The following CCDC6 variants were observed in gnomAD, a reference collection of about 807,000 sequenced individuals.
CCDC6 encodes coiled-coil domain-containing protein 6.
In CCDC6, 20 loss-of-function variants were observed where a neutral mutation model predicts 56.6. That is an observed-to-expected ratio of 0.35 (90% CI 0.25 to 0.51). The LOEUF (loss-of-function observed/expected upper bound fraction) is 0.51. Ranked by LOEUF, CCDC6 falls within the 20% of genes least tolerant of loss-of-function variation. CCDC6 has a pLI of 0.95. For synonymous variants in CCDC6, 241 were observed against 234.4 expected, an observed-to-expected ratio of 1.03 and a Z score of -0.26; for missense variants, 367 against 601.1, an observed-to-expected ratio of 0.61 and a Z score of 4.07.
intron 1 of CCDC6, among the ~76,000 whole-genome samples, chr10:59,868,006 T>C (rs2071191656): frequency 6.6e-6 from 1 of 152,208 alleles, no homozygotes; most frequent in Non-Finnish European, 1.5e-5. Context: ...AAACAAGCTG[T>C]ACCACCTTGA....
chr10:59,884,678 T>G (rs143487917), intron 1 of CCDC6, among the ~76,000 whole-genome samples: 12 of 152,152 alleles, frequency 7.9e-5, no homozygotes, highest in Admixed American at 2.0e-4. Context: ...TAGAACAGCA[T>G]GTACAATGTG....
chr10:59,795,452 A>AT (rs80184335), intron 7 of CCDC6, among the ~76,000 whole-genome samples: 1 of 150,010 alleles, frequency 6.7e-6, no homozygotes, highest in Non-Finnish European at 1.5e-5. Context: ...GGCCATTATT[A>AT]TTTTTTTTCT....
chr10:59,862,516 T>TATATATATATATATATATACACACAC (rs1554886091), intron 1 of CCDC6, among the ~76,000 whole-genome samples: 1 of 97,204 alleles, frequency 1.0e-5, no homozygotes, highest in Non-Finnish European at 1.9e-5. Context: ...TATATATATA[T>TATATATATATATATATATACACACAC]ACACACACAC....
chr10:59,844,440 AGCTCC>A (rs954696190), intron 2 of CCDC6, among the ~76,000 whole-genome samples: 35 of 150,338 alleles, frequency 2.3e-4, no homozygotes, highest in African/African-American at 8.6e-4. Flanking sequence ...AAAAAAAAAA[AGCTCC>A]ATGGAAAAGA....
chr10:59,868,677 C>G (rs2071199071), intron 1 of CCDC6, among the ~76,000 whole-genome samples: 1 of 152,178 alleles, frequency 6.6e-6, no homozygotes, highest in Non-Finnish European at 1.5e-5. Flanking sequence ...TGTGCCTAAG[C>G]GTTACAAACA....
At chr10:59,835,202 A>T (rs2070871612) in intron 2 of CCDC6, among the ~76,000 whole-genome samples, 1 of 152,150 alleles carries the variant, frequency 6.6e-6, no homozygotes, top group Admixed American at 6.5e-5. Flanking sequence ...TTTTCTCAAC[A>T]TTATGCCTCT....
At chr10:59,877,771 A>G (rs951492819) in intron 1 of CCDC6, among the ~76,000 whole-genome samples, 2 of 152,266 alleles carry the variant, frequency 1.3e-5, no homozygotes. Context: ...GTCACTCCAG[A>G]CATCCACCTA....
intron 1 of CCDC6, among the ~76,000 whole-genome samples, chr10:59,882,520 A>G (rs796967351): frequency 0.36 from 1,590 of 4,466 alleles, 433 homozygotes; most frequent in African/African-American, 0.38. Context: ...AAGGAAAGCC[A>G]GGGGGAGAAG....
intron 1 of CCDC6, among the ~76,000 whole-genome samples, chr10:59,882,817 G>C (rs543906845): frequency 6.6e-6 from 1 of 152,030 alleles, no homozygotes; most frequent in African/African-American, 2.4e-5. Flanking sequence ...AAAATTAGCC[G>C]GGCGTGGTGG....
At chr10:59,794,650 T>C in intron 7 of CCDC6, 53 bp from the exon 8 acceptor site, 2 of 1,547,852 alleles carry the variant, frequency 1.3e-6, no homozygotes, top group South Asian at 1.1e-5. Flanking sequence ...ATCTGGTGTC[T>C]TCAACTATCT....
chr10:59,901,525 A>T (rs1311368677), intron 1 of CCDC6, among the ~76,000 whole-genome samples: 1 of 152,248 alleles, frequency 6.6e-6, no homozygotes, highest in African/African-American at 2.4e-5. Flanking sequence ...TTTTTCTATT[A>T]TAACTTCAAA....
chr10:59,816,312 C>T (rs192187512), intron 3 of CCDC6, among the ~76,000 whole-genome samples: 47 of 152,288 alleles, frequency 3.1e-4, no homozygotes, highest in Non-Finnish European at 4.4e-4. Context: ...TCTCCTGTGA[C>T]GACACAGCTC....
intron 1 of CCDC6, among the ~76,000 whole-genome samples, chr10:59,864,967 C>A (rs1044162435): frequency 2.6e-5 from 4 of 152,198 alleles, no homozygotes; most frequent in African/African-American, 9.7e-5. Flanking sequence ...TGATTCACAT[C>A]AACGATTAAC....
Position 59,802,532 on chromosome 10 carries a change from C to T in CCDC6, c.1105+1888G>A, listed in dbSNP as rs78141151. Among the ~76,000 whole-genome samples the T allele has an allele frequency of 3.6e-3, 549 of 152,100 alleles. 5 individuals are homozygous for T. The highest frequency in any genetic ancestry group is 0.013 in the African/African-American group (526 of 41,496). On this transcript the variant is annotated intron_variant, in intron 7 of 8. Coordinates refer to ENST00000263102, the MANE Select transcript of CCDC6 (RefSeq NM_005436.5). ...AGATCAGAATAGAGTAATTCTGCTG[C>T]CAAATAGACAAAATCTCCTTTGGTG...
chr10:59,885,707 T>C (rs1263266168), intron 1 of CCDC6, among the ~76,000 whole-genome samples: 1 of 152,130 alleles, frequency 6.6e-6, no homozygotes, highest in East Asian at 1.9e-4. Flanking sequence ...CCAGAACATT[T>C]TTTTACCAAT....
intron 3 of CCDC6, among the ~76,000 whole-genome samples, chr10:59,831,149 G>A (rs575180432): frequency 6.6e-5 from 10 of 152,328 alleles, no homozygotes; most frequent in African/African-American, 2.4e-4. Flanking sequence ...TAAACTGGTA[G>A]GGCACGGGGC....
chr10:59,793,750 C>T lies in CCDC6; in HGVS notation c.1231-639G>A, dbSNP rs530419304. 3.6e-4 allele frequency among the ~76,000 whole-genome samples: 54 copies of T among 148,460 alleles called. No homozygotes were observed. In the South Asian group the frequency reaches 0.011, roughly 31 times the overall value. On this transcript the variant is annotated intron_variant, in intron 8 of 8. Transcript: ENST00000263102. ...AGTGAGCAGACATCATGCTGCTGAACTCCAGCCTGGATGACAGAGTGAGGA... is the reference window on the plus strand; with the variant it reads ...AGTGAGCAGACATCATGCTGCTGAATTCCAGCCTGGATGACAGAGTGAGGA...
At chr10:59,799,990 C>G (rs530335314) in intron 7 of CCDC6, among the ~76,000 whole-genome samples, 1 of 152,322 alleles carries the variant, frequency 6.6e-6, no homozygotes, top group African/African-American at 2.4e-5. Flanking sequence ...AAGCCCATCT[C>G]AAAAGCTCTC....
At chr10:59,796,789 A>G (rs181366343) in intron 7 of CCDC6, among the ~76,000 whole-genome samples, 1 of 152,204 alleles carries the variant, frequency 6.6e-6, no homozygotes, top group Non-Finnish European at 1.5e-5. Context: ...AACATGGTGA[A>G]ACCCCGTCTC....
Sources: gnomAD v4.1 joint callset for allele counts (sites outside exome capture counted in the v4.1 genomes callset) on GRCh38, gnomAD v4.1.1 for gene constraint, MANE v1.5 for transcripts, NCBI Gene and HGNC (gene_info 2026-07-23, HGNC 2026-07-21) for gene names.